Variants in SHISA6 observed in about 807,000 individuals in gnomAD.
SHISA6 encodes the protein shisa family member 6.
A neutral mutation model predicts 47.9 loss-of-function variants in SHISA6; 22 were observed. The observed-to-expected ratio is 0.46, with a 90% CI of 0.33 to 0.66. The LOEUF is 0.66. SHISA6 is among the 30% of genes least tolerant of loss of function. The pLI is 0.02. For missense variants in SHISA6, 680 were observed against 764.6 expected, an observed-to-expected ratio of 0.89 and a Z score of 1.30; for synonymous variants, 388 against 337.8, an observed-to-expected ratio of 1.15 and a Z score of -1.63.
intron 3 of SHISA6, among the ~76,000 whole-genome samples, chr17:11,472,201 A>T (rs1345549052): frequency 6.6e-6 from 1 of 151,826 alleles, no homozygotes; most frequent in Non-Finnish European, 1.5e-5. Context: ...GTCTTTTCAG[A>T]TTGTCTTCTT....
chr17:11,533,920 A>G (rs546432213), intron 3 of SHISA6, among the ~76,000 whole-genome samples: 1 of 151,810 alleles, frequency 6.6e-6, no homozygotes, highest in African/African-American at 2.4e-5. Flanking sequence ...AAAATCTTCA[A>G]AATATTTTAT....
chr17:11,501,104 G>A (rs2071448784), intron 3 of SHISA6, among the ~76,000 whole-genome samples: 1 of 147,798 alleles, frequency 6.8e-6, no homozygotes, highest in Admixed American at 6.9e-5. Context: ...AATCTCTAAT[G>A]CTTCCAACAC....
chr17:11,339,946 TA>T (rs1911466977), intron 2 of SHISA6, among the ~76,000 whole-genome samples: 1 of 152,086 alleles, frequency 6.6e-6, no homozygotes, highest in Admixed American at 6.5e-5. Flanking sequence ...CAAGAATTGG[TA>T]CTAAAGGAGG....
chr17:11,356,397 G>A (rs756312360), intron 2 of SHISA6, among the ~76,000 whole-genome samples: 2 of 152,176 alleles, frequency 1.3e-5, no homozygotes, highest in Admixed American at 6.5e-5. Context: ...AGGTCCCAGA[G>A]CTGCTGTTTA....
chr17:11,406,411 G>C (rs1397395719), intron 3 of SHISA6, among the ~76,000 whole-genome samples: 1 of 152,196 alleles, frequency 6.6e-6, no homozygotes, highest in African/African-American at 2.4e-5. Flanking sequence ...GTCCTCACCA[G>C]AATATCCTAA....
chr17:11,269,019 G>A (rs116231622), intron 2 of SHISA6, among the ~76,000 whole-genome samples: 5,300 of 151,652 alleles, frequency 0.035, 231 homozygotes, highest in African/African-American at 0.1. Context: ...CCTGGTATCC[G>A]GTGCCCAGTT....
At chr17:11,488,921 A>T (rs982223794) in intron 3 of SHISA6, among the ~76,000 whole-genome samples, 3 of 152,214 alleles carry the variant, frequency 2.0e-5, no homozygotes, top group Non-Finnish European at 4.4e-5. Context: ...CCCAGGGGAT[A>T]AAATGGGAGA....
chr17:11,530,344 T>C (rs1402206343), intron 3 of SHISA6, among the ~76,000 whole-genome samples: 3 of 152,184 alleles, frequency 2.0e-5, no homozygotes, highest in East Asian at 1.9e-4. Context: ...CATGGAAGTG[T>C]GCATTATTGA....
At chr17:11,359,667 A>G in intron 2 of SHISA6, among the ~76,000 whole-genome samples, 1 of 152,198 alleles carries the variant, frequency 6.6e-6, no homozygotes, top group Non-Finnish European at 1.5e-5. Flanking sequence ...TTAGTTTATA[A>G]TCTGGAGAGG....
intron 3 of SHISA6, among the ~76,000 whole-genome samples, chr17:11,472,671 C>T (rs1484184462): frequency 6.6e-6 from 1 of 152,180 alleles, no homozygotes; most frequent in Non-Finnish European, 1.5e-5. Flanking sequence ...AAGTTTTCAA[C>T]TCCTTTGAAT....
chr17:11,398,142 G>C (rs1221652111), intron 3 of SHISA6, among the ~76,000 whole-genome samples: 2 of 152,004 alleles, frequency 1.3e-5, no homozygotes, highest in Non-Finnish European at 2.9e-5. Context: ...GAAAATTGTT[G>C]TCAGTATAGG....
intron 3 of SHISA6, among the ~76,000 whole-genome samples, chr17:11,519,129 G>A (rs9916048): frequency 0.076 from 11,547 of 152,064 alleles, 504 homozygotes; most frequent in African/African-American, 0.1. Flanking sequence ...CTTCTCCTCC[G>A]CTGCCAAAGG....
chr17:11,382,052 G>A (rs1195537624), intron 3 of SHISA6, among the ~76,000 whole-genome samples: 1 of 151,848 alleles, frequency 6.6e-6, no homozygotes, highest in Non-Finnish European at 1.5e-5. Context: ...GGCAGACTTC[G>A]GAAATGGAGA....
Position 11,487,089 on chromosome 17 carries a change from C to T in SHISA6, c.896-64807C>T, listed in dbSNP as rs571777395. 2.8e-3 allele frequency among the ~76,000 whole-genome samples: 425 copies of T among 152,308 alleles called. 4 individuals are homozygous for T. The highest frequency in any genetic ancestry group is 3.9e-3 in the Non-Finnish European group (265 of 68,020). On this transcript the variant is annotated intron_variant, in intron 3 of 5. Coordinates refer to ENST00000441885, the MANE Select transcript of SHISA6 (RefSeq NM_207386.4). ...CTTACAATCTAAGATATTTACTCCC[C>T]GGCCCTTTACAGAAAAACATTTACT... is the stretch of plus-strand genomic sequence containing the variant.
intron 2 of SHISA6, among the ~76,000 whole-genome samples, chr17:11,379,204 ATG>A (rs1269549936): frequency 1.3e-5 from 2 of 148,186 alleles, no homozygotes; most frequent in East Asian, 1.9e-4. Context: ...ATATGTGTAT[ATG>A]TATATATATT....
At chr17:11,305,637 G>T (rs1910085084) in intron 2 of SHISA6, among the ~76,000 whole-genome samples, 1 of 152,224 alleles carries the variant, frequency 6.6e-6, no homozygotes, top group South Asian at 2.1e-4. Flanking sequence ...TGAGTTTGGT[G>T]TTGCGGGTGG....
intron 3 of SHISA6, among the ~76,000 whole-genome samples, chr17:11,502,721 C>T (rs557358895): frequency 2.6e-4 from 39 of 152,258 alleles, no homozygotes; most frequent in African/African-American, 8.2e-4. Flanking sequence ...AGCGAGACTC[C>T]GTCTCAAAAA....
At chr17:11,459,754 C>T (rs1915649978) in intron 3 of SHISA6, among the ~76,000 whole-genome samples, 1 of 152,200 alleles carries the variant, frequency 6.6e-6, no homozygotes, top group African/African-American at 2.4e-5. Flanking sequence ...AGTTCCTTCC[C>T]TCGATCACTG....
chr17:11,327,847 A>G (rs12941108), intron 2 of SHISA6, among the ~76,000 whole-genome samples: 27,665 of 152,080 alleles, frequency 0.18, 2,610 homozygotes, highest in Middle Eastern at 0.24. Context: ...TGAAGGAAAG[A>G]GGTTTAAACT....
Sources: allele counts gnomAD v4.1 joint callset (sites outside exome capture counted in the v4.1 genomes callset), GRCh38; gene constraint gnomAD v4.1.1; transcripts MANE v1.5; gene names NCBI Gene and HGNC (gene_info 2026-07-23, HGNC 2026-07-21).